The following ZNF76 variants were observed in gnomAD, a reference collection of about 807,000 sequenced individuals.
The protein encoded by ZNF76 is zinc finger protein 76.
ZNF76 carries 66 observed loss-of-function variants against 66.9 expected under a neutral mutation model. That is an observed-to-expected ratio of 0.99 (90% CI 0.81 to 1.21). ZNF76 has a LOEUF of 1.21. ZNF76 is among the 50% of genes most tolerant of loss of function. ZNF76 has a pLI of 0.00. For synonymous variants in ZNF76, 275 were observed against 296.1 expected, an observed-to-expected ratio of 0.93 and a Z score of 0.73; for missense variants, 729 against 760.3, an observed-to-expected ratio of 0.96 and a Z score of 0.48.
intron 1 of ZNF76, among the ~76,000 whole-genome samples, chr6:35,268,543 C>T (rs1200563297): frequency 6.6e-6 from 1 of 152,046 alleles, no homozygotes; most frequent in Non-Finnish European, 1.5e-5. Flanking sequence ...GTGGCTCACA[C>T]CTGTAATCCG....
Position 35,292,716 on chromosome 6 carries a change from G to T in ZNF76, c.1094G>T (p.Arg365Leu), listed in dbSNP as rs760217393. 2.1e-5 allele frequency: 34 copies of T among 1,614,062 alleles called. No individual in the cohort carries two copies. The highest frequency in any genetic ancestry group is 2.9e-5 in the Non-Finnish European group (34 of 1,180,048). The change falls in exon 10 of 14, where the codon CGC becomes CTC. Residue 365 changes from arginine (R) to leucine (L), a missense_variant. Arg to Leu is a moderately radical substitution (Grantham distance 102, BLOSUM62 -2). Coordinates refer to ENST00000373953, the MANE Select transcript of ZNF76 (RefSeq NM_003427.5). This position sits in a 1 kb window ranked among gnomAD's most constrained non-coding sequence, Gnocchi z 4.7. ...ACCTCCACCTTGGCCATGCACAAGC[G>T]CAGTGCCCACGGCGAGCTGGAGGCC... ...RQTSTLAMHK[R>L]SAHGELEATE... is the part of the protein sequence containing the mutation.
At chr6:35,290,183 G>A (rs1790156846) in intron 5 of ZNF76, 83 bp from the exon 6 acceptor site, 36 of 1,570,818 alleles carry the variant, frequency 2.3e-5, no homozygotes. Flanking sequence ...TGCCTGTTGG[G>A]TCTTAAGCTG....
At position 35,291,276 on chromosome 6, in the gene ZNF76, A is replaced by T; in HGVS notation, c.626-2A>T. ...CACCCCCTGCCTGCCACATATGGAC[A>T]GGCTATGGACTGAAGAGCCACGTTC... On this transcript the variant is annotated splice_acceptor_variant, in intron 7 of 13. Coordinates refer to ENST00000373953, the MANE Select transcript of ZNF76 (RefSeq NM_003427.5). LOFTEE classifies it high-confidence loss of function. The T allele has an allele frequency of 6.2e-7, 1 of 1,606,432 alleles. No individual in the cohort carries two copies. Among genetic ancestry groups the T allele is most frequent in the Non-Finnish European group, 8.5e-7 (1 of 1,176,202 alleles).
chr6:35,290,719 A>C lies in ZNF76; in HGVS notation c.625+3A>C, dbSNP rs200914034. 100 of 1,614,180 alleles carry C rather than the reference A, an allele frequency of 6.2e-5. 1 individual carries two copies. In the African/African-American group the frequency reaches 1.3e-3, roughly 21 times the overall value. ...CTGTGGAAAGGCCTTTGCCACAGGTAACCTGCCTGGTGGGCTGCTTCCAGT... is the reference window on the plus strand; with the variant it reads ...CTGTGGAAAGGCCTTTGCCACAGGTCACCTGCCTGGTGGGCTGCTTCCAGT... On this transcript the variant is annotated splice_donor_region_variant and intron_variant, in intron 7 of 13. Transcript: ENST00000373953.
At chr6:35,288,030 AT>A (rs1344733127) in intron 5 of ZNF76, 185 bp downstream of exon 5, 1 of 734,808 alleles carries the variant, frequency 1.4e-6, no homozygotes, top group South Asian at 1.5e-5. Flanking sequence ...GTCACACATC[AT>A]TGTCTAGGGC....
chr6:35,265,522 AG>A (rs141251382), intron 1 of ZNF76, among the ~76,000 whole-genome samples: 1,627 of 126,252 alleles, frequency 0.013, 9 homozygotes, highest in African/African-American at 0.034. Context: ...AAAAAAAAAA[AG>A]AAGAAGAAGA....
rs777450211 is a variant in ZNF76 at position 35,286,119 on chromosome 6, T to C, written c.74-9T>C. 8 of 1,613,680 alleles carry C rather than the reference T, an allele frequency of 5.0e-6. No individual in the cohort carries two copies. The South Asian group carries it at 7.7e-5, about 16-fold the overall frequency. ...CTGGCCCATTTCTCTCTATTTCCAC[T>C]CTTAACAGGAGAGAAGCTTCTTGAA... On this transcript the variant is annotated splice_polypyrimidine_tract_variant and intron_variant, in intron 2 of 13. Coordinates refer to ENST00000373953, the MANE Select transcript of ZNF76 (RefSeq NM_003427.5).
At chr6:35,269,280 CAAAAA>C (rs10615994) in intron 1 of ZNF76, among the ~76,000 whole-genome samples, 3 of 82,240 alleles carry the variant, frequency 3.6e-5, no homozygotes, top group African/African-American at 1.3e-4. Context: ...GACTCTGTCT[CAAAAA>C]AAAAAAAAAA....
chr6:35,272,446 G>T (rs1787217819), intron 1 of ZNF76, among the ~76,000 whole-genome samples: 1 of 151,320 alleles, frequency 6.6e-6, no homozygotes, highest in African/African-American at 2.4e-5. Context: ...TTGTAGTGTG[G>T]GTGACAGAGC....
At chr6:35,295,044 G>T in intron 13 of ZNF76, 100 bp from the exon 14 acceptor site, 1 of 835,198 alleles carries the variant, frequency 1.2e-6, no homozygotes. Context: ...TGGGTAGATG[G>T]GGGAGAGTCA....
At position 35,281,193 on chromosome 6, in the gene ZNF76, G is replaced by A. The variant is rs143421103; in HGVS notation, c.42G>A (p.Gly14=). The A allele has an allele frequency of 1.2e-6, 2 of 1,613,934 alleles. No homozygotes were observed. Among genetic ancestry groups the A allele is most frequent in the South Asian group, 1.1e-5 (1 of 91,076 alleles). The part of the protein sequence containing the change: ...LGLHTVTLSD[G]TTAYVQQAVK... ...TGCACACGGTGACCCTTAGTGATGG[G>A]ACAACAGCCTACGTCCAGCAAGCTG... Residue 14 remains glycine, a synonymous_variant, in exon 2 of 14, where the codon GGG becomes GGA. Coordinates refer to ENST00000373953, the MANE Select transcript of ZNF76 (RefSeq NM_003427.5).
At chr6:35,260,542 C>A (rs1290988109) in intron 1 of ZNF76, among the ~76,000 whole-genome samples, 1 of 152,122 alleles carries the variant, frequency 6.6e-6, no homozygotes, top group Non-Finnish European at 1.5e-5. Flanking sequence ...GACTTACAAG[C>A]GTCCAGCACC....
intron 11 of ZNF76, 72 bp from the exon 12 acceptor site, chr6:35,293,679 T>G (rs1790763534): frequency 1.3e-6 from 2 of 1,537,794 alleles, no homozygotes; most frequent in East Asian, 2.3e-5. Context: ...GGAGAGCAGG[T>G]ATATCTTCCT....
chr6:35,281,986 C>T (rs1025525251), intron 2 of ZNF76, among the ~76,000 whole-genome samples: 34 of 151,166 alleles, frequency 2.2e-4, no homozygotes, highest in African/African-American at 7.3e-4. Context: ...AGAGGAACAC[C>T]CAAGCAGAGA....
At chr6:35,294,611 G>T (rs1790916782) in intron 13 of ZNF76, 42 bp downstream of exon 13, 1 of 1,385,684 alleles carries the variant, frequency 7.2e-7, no homozygotes, top group Admixed American at 1.7e-5. Context: ...CACGGCCAGA[G>T]AAGTCAACAA....
chr6:35,260,003 G>T (rs1449473934), intron 1 of ZNF76, among the ~76,000 whole-genome samples, 162 bp downstream of exon 1: 5 of 151,116 alleles, frequency 3.3e-5, no homozygotes, highest in Non-Finnish European at 7.4e-5. Flanking sequence ...CCCACCCAGG[G>T]TCCCTGCCCC....
At position 35,292,742 on chromosome 6, in the gene ZNF76, A is replaced by G; in HGVS notation, c.1120A>G (p.Thr374Ala). ...CAGTGCCCACGGCGAGCTGGAGGCCACGGAGGAGAGCGAGCAGGCCCTCTA... is the reference window on the plus strand; with the variant it reads ...CAGTGCCCACGGCGAGCTGGAGGCCGCGGAGGAGAGCGAGCAGGCCCTCTA... Reference protein sequence around the residue: ...KRSAHGELEATEESEQALYEQ... With the variant: ...KRSAHGELEAAEESEQALYEQ... The change falls in exon 10 of 14, where the codon ACG becomes GCG. Residue 374 changes from threonine to alanine, a missense_variant. Transcript: ENST00000373953. The surrounding 1 kb of genome is among the most constrained non-coding windows in gnomAD (Gnocchi z 4.7). 8 of 1,614,118 alleles carry G rather than the reference A, an allele frequency of 5.0e-6. No individual in the cohort carries two copies. Among genetic ancestry groups the G allele is most frequent in the Non-Finnish European group, 5.9e-6 (7 of 1,179,994 alleles).
At chr6:35,289,607 G>A (rs1790083061) in intron 5 of ZNF76, among the ~76,000 whole-genome samples, 1 of 152,200 alleles carries the variant, frequency 6.6e-6, no homozygotes, top group Non-Finnish European at 1.5e-5. Flanking sequence ...AGGCTGGTGT[G>A]AGATGGGTGG....
At chr6:35,286,941 G>C (rs534498882) in intron 4 of ZNF76, among the ~76,000 whole-genome samples, 10 of 152,260 alleles carry the variant, frequency 6.6e-5, no homozygotes, top group South Asian at 6.2e-4. Context: ...TACAAACAGA[G>C]ATCAGGCTCA....
Sources: allele counts gnomAD v4.1 joint callset (sites outside exome capture counted in the v4.1 genomes callset), GRCh38; gene constraint gnomAD v4.1.1; non-coding constraint Gnocchi (gnomAD v3.1); transcripts MANE v1.5; gene names NCBI Gene and HGNC (gene_info 2026-07-23, HGNC 2026-07-21).